Variants in DCDC1 observed in about 807,000 individuals in gnomAD.
DCDC1 encodes the protein doublecortin domain containing 1.
DCDC1 carries 200 observed loss-of-function variants against 178.3 expected under a neutral mutation model. The observed-to-expected ratio is 1.12, with a 90% confidence interval of 1.00 to 1.26. DCDC1 has a LOEUF of 1.26. Ranked by LOEUF, DCDC1 falls within the 50% of genes most tolerant of loss-of-function variation. DCDC1 has a pLI of 0.00. For missense variants in DCDC1, 1,983 were observed against 1,749.2 expected (o/e 1.13, Z -2.38); for synonymous variants, 690 against 604.8 (o/e 1.14, Z -2.07).
intron 9 of DCDC1, among the ~76,000 whole-genome samples, chr11:31,207,159 A>G (rs1400321424): frequency 6.6e-6 from 1 of 152,168 alleles, no homozygotes; most frequent in Non-Finnish European, 1.5e-5. Flanking sequence ...TAATAATAGA[A>G]CCTGTAAATG....
chr11:31,337,404 C>T (rs538966860), intron 1 of DCDC1, among the ~76,000 whole-genome samples: 1 of 152,248 alleles, frequency 6.6e-6, no homozygotes, highest in African/African-American at 2.4e-5. Flanking sequence ...TGTGATGGCT[C>T]ACGCCTGTAA....
intron 20 of DCDC1, chr11:30,992,461 G>A (rs1565161562): frequency 1.3e-5 from 2 of 152,184 alleles, no homozygotes; most frequent in East Asian, 1.9e-4. Context: ...ATACCAACCT[G>A]ACTTTTCATA....
At chr11:30,946,871 T>C (rs1185932808) in intron 21 of DCDC1, among the ~76,000 whole-genome samples, 1 of 152,178 alleles carries the variant, frequency 6.6e-6, no homozygotes, top group Non-Finnish European at 1.5e-5. Context: ...GAATTTGGTC[T>C]TGCAGAGGAA....
chr11:31,352,433 T>C (rs748142825), intron 1 of DCDC1, among the ~76,000 whole-genome samples: 10 of 152,158 alleles, frequency 6.6e-5, no homozygotes, highest in East Asian at 1.9e-4. Context: ...AAAAACATGA[T>C]AGAAAAAGGC....
rs532016424 is a variant in DCDC1, at chr11:31,336,032, G to GA, written c.-124-469dup. Among the ~76,000 whole-genome samples, 101 of 152,200 alleles carry GA rather than the reference G, an allele frequency of 6.6e-4. 3 individuals are homozygous for GA. In the South Asian group the frequency reaches 0.018, roughly 27 times the overall value. ...GCACTTATAATCAGTTAACAAAGCA[G>GA]AAAAAAACCATTGTGCCCTATGCAG... On this transcript the variant is annotated intron_variant, in intron 1 of 38. Transcript: ENST00000684477.
chr11:31,306,906 T>G (rs1005844490), intron 4 of DCDC1, among the ~76,000 whole-genome samples: 1 of 152,134 alleles, frequency 6.6e-6, no homozygotes, highest in Admixed American at 6.6e-5. Flanking sequence ...ATTGCTCTCA[T>G]TTCAAACTGT....
chr11:31,131,974 T>C (rs1962502461), intron 10 of DCDC1, among the ~76,000 whole-genome samples: 1 of 152,170 alleles, frequency 6.6e-6, no homozygotes, highest in African/African-American at 2.4e-5. Flanking sequence ...AACCATACAA[T>C]TGATGATGTC....
chr11:31,160,919 A>G (rs564081965), intron 9 of DCDC1, among the ~76,000 whole-genome samples: 1 of 152,284 alleles, frequency 6.6e-6, no homozygotes, highest in African/African-American at 2.4e-5. Context: ...ATTTCTGTAA[A>G]AGTTTGATTA....
intron 7 of DCDC1, among the ~76,000 whole-genome samples, chr11:31,276,357 A>C (rs1040107493): frequency 2.6e-5 from 4 of 152,226 alleles, no homozygotes; most frequent in Non-Finnish European, 4.4e-5. Context: ...TAATTGTGAA[A>C]CTAATCATTT....
At chr11:31,213,567 A>C (rs970875420) in intron 9 of DCDC1, among the ~76,000 whole-genome samples, 1 of 151,894 alleles carries the variant, frequency 6.6e-6, no homozygotes, top group Non-Finnish European at 1.5e-5. Context: ...TAAAAATACA[A>C]AAATTAGCCA....
At chr11:30,918,899 C>T (rs2134228619) in intron 25 of DCDC1, among the ~76,000 whole-genome samples, 1 of 152,142 alleles carries the variant, frequency 6.6e-6, no homozygotes, top group Non-Finnish European at 1.5e-5. Flanking sequence ...TTCCATTTTT[C>T]TTATTGTTTG....
At chr11:31,357,951 C>T (rs1246491914) in intron 1 of DCDC1, among the ~76,000 whole-genome samples, 6 of 152,136 alleles carry the variant, frequency 3.9e-5, no homozygotes, top group Admixed American at 1.3e-4. Flanking sequence ...ATACAACAAA[C>T]GGAAGAACAT....
chr11:31,235,063 T>G (rs1010177490), intron 9 of DCDC1, among the ~76,000 whole-genome samples: 1 of 152,162 alleles, frequency 6.6e-6, no homozygotes, highest in African/African-American at 2.4e-5. Flanking sequence ...CCAATATGAT[T>G]AGAAATTTCC....
At chr11:31,250,216 T>A (rs1943880478) in intron 8 of DCDC1, among the ~76,000 whole-genome samples, 2 of 151,482 alleles carry the variant, frequency 1.3e-5, no homozygotes, top group African/African-American at 4.9e-5. Context: ...ATTTAAGTCC[T>A]CTATTTAGAA....
At chr11:31,360,592 G>C (rs1951658204) in intron 1 of DCDC1, among the ~76,000 whole-genome samples, 1 of 152,150 alleles carries the variant, frequency 6.6e-6, no homozygotes, top group Non-Finnish European at 1.5e-5. Flanking sequence ...ATGTGACTCT[G>C]TTCTCTGTCT....
intron 21 of DCDC1, 21 bp from the exon 22 acceptor site, chr11:30,931,973 A>C: frequency 1.3e-6 from 2 of 1,590,290 alleles, no homozygotes; most frequent in Non-Finnish European, 1.7e-6. Flanking sequence ...AAATGACAAA[A>C]ACATAATAAT....
At chr11:31,058,035 G>T (rs564733287) in intron 20 of DCDC1, among the ~76,000 whole-genome samples, 1 of 152,168 alleles carries the variant, frequency 6.6e-6, no homozygotes, top group South Asian at 2.1e-4. Flanking sequence ...AATCCCCAGT[G>T]CCTAGGATAC....
chr11:31,346,243 CA>C (rs1276254798), intron 1 of DCDC1, among the ~76,000 whole-genome samples: 1 of 151,730 alleles, frequency 6.6e-6, no homozygotes, highest in African/African-American at 2.4e-5. Context: ...GGGTGGATCA[CA>C]AGGTCAGGAG....
At chr11:30,944,231 C>T in intron 21 of DCDC1, 1 of 443,664 alleles carries the variant, frequency 2.3e-6, no homozygotes, top group Non-Finnish European at 4.5e-6. Context: ...ACTCTGTCTC[C>T]TTCCTTTTCT....
Sources: gnomAD v4.1 joint callset for allele counts (sites outside exome capture counted in the v4.1 genomes callset) on GRCh38, gnomAD v4.1.1 for gene constraint, MANE v1.5 for transcripts, NCBI Gene and HGNC (gene_info 2026-07-23, HGNC 2026-07-21) for gene names.